Variants in NCAM2 observed in about 807,000 individuals in gnomAD.
The protein encoded by NCAM2 is neural cell adhesion molecule 2.
Under a neutral mutation model 98.1 loss-of-function variants are expected in NCAM2, and 30 were observed. That is an observed-to-expected ratio of 0.31 (90% confidence interval 0.23 to 0.41). The LOEUF is 0.41. NCAM2 is among the 10% of genes least tolerant of loss of function. NCAM2 has a pLI of 1.00. For missense variants in NCAM2, 867 were observed against 1,005.8 expected (o/e 0.86, Z 1.87); for synonymous variants, 368 against 342.4 (o/e 1.07, Z -0.83).
At chr21:21,485,396 G>T (rs561791603) in intron 15 of NCAM2, among the ~76,000 whole-genome samples, 1 of 152,152 alleles carries the variant, frequency 6.6e-6, no homozygotes, top group East Asian at 1.9e-4. Flanking sequence ...ACATCTGGTA[G>T]TCAGAATTCT....
chr21:21,460,078 T>G (rs1602407722), intron 12 of NCAM2, among the ~76,000 whole-genome samples: 1 of 152,120 alleles, frequency 6.6e-6, no homozygotes, highest in East Asian at 1.9e-4. Context: ...ATAATTTTAT[T>G]GGTAAATTAT....
chr21:21,222,539 A>G (rs941489240), intron 1 of NCAM2, among the ~76,000 whole-genome samples: 1 of 152,182 alleles, frequency 6.6e-6, no homozygotes, highest in African/African-American at 2.4e-5. Context: ...GTTCCAAATT[A>G]TCAGTCAGAA....
chr21:21,046,189 GT>G (rs2065005010), intron 1 of NCAM2, among the ~76,000 whole-genome samples: 1 of 152,160 alleles, frequency 6.6e-6, no homozygotes. Context: ...CATGATACAA[GT>G]TTCTTCATCT....
At chr21:21,172,020 C>A (rs1426726674) in intron 1 of NCAM2, among the ~76,000 whole-genome samples, 1 of 152,066 alleles carries the variant, frequency 6.6e-6, no homozygotes, top group Non-Finnish European at 1.5e-5. Flanking sequence ...CCTCAAATAA[C>A]CTTAATAAAT....
intron 1 of NCAM2, among the ~76,000 whole-genome samples, chr21:21,233,768 G>A (rs1018744952): frequency 2.6e-5 from 4 of 151,616 alleles, no homozygotes; most frequent in African/African-American, 4.8e-5. Context: ...GTTTCCCCAC[G>A]AAAGTAGTAA....
intron 12 of NCAM2, among the ~76,000 whole-genome samples, chr21:21,432,539 G>T (rs146840701): frequency 6.6e-6 from 1 of 150,462 alleles, no homozygotes; most frequent in Non-Finnish European, 1.5e-5. Context: ...AAAAAAATTC[G>T]TTGGTGGAAA....
chr21:21,487,004 A>G (rs2826860), intron 15 of NCAM2, among the ~76,000 whole-genome samples: 102,471 of 151,912 alleles, frequency 0.67, 35,737 homozygotes, highest in Middle Eastern at 0.82. Context: ...TCTGAGATAC[A>G]CATAAATTCT....
chr21:21,461,320 T>G (rs1197832516), intron 12 of NCAM2, among the ~76,000 whole-genome samples: 1 of 151,962 alleles, frequency 6.6e-6, no homozygotes, highest in East Asian at 1.9e-4. Flanking sequence ...GTTTTTCTAT[T>G]TAAATAGGAA....
At chr21:21,061,587 A>C (rs900661992) in intron 1 of NCAM2, among the ~76,000 whole-genome samples, 2 of 152,060 alleles carry the variant, frequency 1.3e-5, no homozygotes, top group African/African-American at 2.4e-5. Flanking sequence ...AGAAGATACT[A>C]ATTATGTTGG....
At chr21:21,263,727 T>G (rs562621917) in intron 1 of NCAM2, among the ~76,000 whole-genome samples, 1 of 152,198 alleles carries the variant, frequency 6.6e-6, no homozygotes, top group South Asian at 2.1e-4. Flanking sequence ...AACTGATCTT[T>G]CTCAAAGTTG....
At chr21:21,312,616 AT>A (rs1568921062) in intron 5 of NCAM2, among the ~76,000 whole-genome samples, 19 of 134,538 alleles carry the variant, frequency 1.4e-4, no homozygotes, top group African/African-American at 5.3e-4. Context: ...TTACAGCTAG[AT>A]TTTTTTTCTA....
chr21:21,512,143 A>C (rs1488670729), intron 16 of NCAM2, among the ~76,000 whole-genome samples: 1 of 151,754 alleles, frequency 6.6e-6, no homozygotes, highest in Non-Finnish European at 1.5e-5. Context: ...TATGCTTGAG[A>C]GGTATTACTC....
chr21:21,235,840 C>A (rs962458427), intron 1 of NCAM2, among the ~76,000 whole-genome samples: 3 of 151,992 alleles, frequency 2.0e-5, no homozygotes, highest in African/African-American at 4.8e-5. Context: ...TTACTGAAAT[C>A]AATCAAGGCC....
chr21:21,156,874 ATG>A (rs1032872825), intron 1 of NCAM2, among the ~76,000 whole-genome samples: 74 of 152,194 alleles, frequency 4.9e-4, no homozygotes, highest in African/African-American at 1.5e-3. Flanking sequence ...AAAAGATGAC[ATG>A]TGTTCTAATA....
At chr21:21,520,578 G>A (rs1268392257) in intron 16 of NCAM2, among the ~76,000 whole-genome samples, 1 of 152,128 alleles carries the variant, frequency 6.6e-6, no homozygotes, top group Admixed American at 6.6e-5. Context: ...AATACTCCCG[G>A]TTTTCAGCCC....
At chr21:21,240,523 G>C (rs571191857) in intron 1 of NCAM2, among the ~76,000 whole-genome samples, 58 of 152,300 alleles carry the variant, frequency 3.8e-4, no homozygotes, top group Non-Finnish European at 7.2e-4. Flanking sequence ...TGGTGTGGTG[G>C]AAAAGGCACT....
At chr21:21,365,045 T>A (rs1483015145) in intron 8 of NCAM2, among the ~76,000 whole-genome samples, 1 of 152,126 alleles carries the variant, frequency 6.6e-6, no homozygotes, top group African/African-American at 2.4e-5. Context: ...CAGGGATGAA[T>A]GCTTCAATTG....
chr21:21,296,910 A>AT (rs1345022730), intron 5 of NCAM2, among the ~76,000 whole-genome samples: 1 of 151,660 alleles, frequency 6.6e-6, no homozygotes. Context: ...GAATTTAGAG[A>AT]TTATGAGGTT....
intron 1 of NCAM2, among the ~76,000 whole-genome samples, chr21:21,193,240 G>A (rs1555822415): frequency 6.6e-6 from 1 of 151,502 alleles, no homozygotes; most frequent in Non-Finnish European, 1.5e-5. Flanking sequence ...AGGATTATAG[G>A]TATGCAATAT....
Sources: allele counts gnomAD v4.1 joint callset (sites outside exome capture counted in the v4.1 genomes callset), GRCh38; gene constraint gnomAD v4.1.1; transcripts MANE v1.5; gene names NCBI Gene and HGNC (gene_info 2026-07-23, HGNC 2026-07-21).